The following KIAA1671 variants were observed in gnomAD, a reference collection of about 807,000 sequenced individuals.
KIAA1671 encodes KIAA1671.
Under a neutral mutation model 131.2 loss-of-function variants are expected in KIAA1671, and 52 were observed. That is an observed-to-expected ratio of 0.40 (90% CI 0.32 to 0.50). The LOEUF (loss-of-function observed/expected upper bound fraction) is 0.50. Ranked by LOEUF, KIAA1671 falls within the 20% of genes least tolerant of loss-of-function variation. KIAA1671 has a pLI of 0.73. For missense variants in KIAA1671, 2,360 were observed against 2,364.2 expected (o/e 1.00, Z 0.04); for synonymous variants, 1,003 against 961.6 (o/e 1.04, Z -0.80).
At chr22:25,060,948 A>G (rs913528946) in intron 6 of KIAA1671, 2 of 152,144 alleles carry the variant, frequency 1.3e-5, no homozygotes, top group Non-Finnish European at 2.9e-5. Context: ...ATTTCGGTAG[A>G]TGTGTCACTG....
chr22:25,185,243 A>G, intron 11 of KIAA1671, 124 bp downstream of exon 11: 1 of 1,056,382 alleles, frequency 9.5e-7, no homozygotes, highest in African/African-American at 1.6e-5. Context: ...TTTCTCTAGC[A>G]GCAGAAGCTT....
chr22:25,102,454 T>C (rs1930736627), intron 6 of KIAA1671: 1 of 152,260 alleles, frequency 6.6e-6, no homozygotes, highest in Non-Finnish European at 1.5e-5. Context: ...GTTGTTGTTG[T>C]TGTTTTGAGA....
chr22:25,165,085 G>A (rs947976991), intron 6 of KIAA1671, among the ~76,000 whole-genome samples: 2 of 151,082 alleles, frequency 1.3e-5, no homozygotes, highest in Non-Finnish European at 1.5e-5. Context: ...TTGAAGTCCC[G>A]CCAAGTTCTG....
intron 1 of KIAA1671, among the ~76,000 whole-genome samples, chr22:24,962,927 A>G (rs1298274408): frequency 6.6e-6 from 1 of 152,010 alleles, no homozygotes; most frequent in Non-Finnish European, 1.5e-5. Flanking sequence ...AGCAGCCCTG[A>G]CCCAGCCAGA....
intron 6 of KIAA1671, among the ~76,000 whole-genome samples, chr22:25,130,153 AT>A (rs1200714661): frequency 6.6e-6 from 1 of 152,252 alleles, no homozygotes; most frequent in Non-Finnish European, 1.5e-5. Flanking sequence ...AATATTATAA[AT>A]AAATACATAA....
intron 6 of KIAA1671, among the ~76,000 whole-genome samples, chr22:25,093,725 ACACACACACACACTCTCTCTCTCTCTCT>A (rs1930150285): frequency 1.4e-5 from 1 of 69,672 alleles, no homozygotes; most frequent in Non-Finnish European, 2.6e-5. Context: ...ACACACACAC[ACACACACACACACTCTCTCTCTCTCTCT>A]CTCTCTCTCT....
chr22:25,096,465 C>T (rs574414358), intron 6 of KIAA1671, among the ~76,000 whole-genome samples: 118 of 152,278 alleles, frequency 7.7e-4, no homozygotes, highest in Non-Finnish European at 1.5e-3. Context: ...TTGTGGGGCC[C>T]CTGGCTTCTC....
chr22:25,068,138 T>C (rs1928581446), intron 6 of KIAA1671, among the ~76,000 whole-genome samples: 1 of 143,808 alleles, frequency 7.0e-6, no homozygotes, highest in African/African-American at 2.7e-5. Context: ...AGCTGTACTG[T>C]CTGGCAGTTA....
chr22:25,033,754 G>A (rs1926431976), intron 4 of KIAA1671, among the ~76,000 whole-genome samples: 2 of 151,216 alleles, frequency 1.3e-5, no homozygotes, highest in Non-Finnish European at 2.9e-5. Flanking sequence ...TATTTCTTTT[G>A]TATTTTTAGT....
At chr22:25,121,414 A>G (rs1931938036) in intron 6 of KIAA1671, among the ~76,000 whole-genome samples, 1 of 151,678 alleles carries the variant, frequency 6.6e-6, no homozygotes, top group Admixed American at 6.6e-5. Context: ...GTGAGCCAAG[A>G]TCACGCCACT....
chr22:25,084,039 G>T (rs9306411), intron 6 of KIAA1671, among the ~76,000 whole-genome samples: 2 of 152,166 alleles, frequency 1.3e-5, no homozygotes, highest in African/African-American at 4.8e-5. Context: ...GGCCTGCCAC[G>T]TGAGTGCAGG....
At position 25,195,369 on chromosome 22, in the gene KIAA1671, C is replaced by G. The variant is rs1443643424; in HGVS notation, c.*2968C>G. 2 of 152,152 alleles carry G rather than the reference C, an allele frequency of 1.3e-5. No homozygotes were observed. The highest frequency in any genetic ancestry group is 2.4e-5 in the African/African-American group (1 of 41,430). The allele number at this position is 152,152 out of a possible 1,614,324, so 9.4% of individuals were successfully genotyped here. On this transcript the variant is annotated 3_prime_UTR_variant, in exon 13 of 13. Transcript: ENST00000358431. ...GAAATCAGTGTTGTGGAGGATTACT[C>G]CATGCCACCGGAGAAACTCTGGTGA...
chr22:25,028,357 A>G lies in KIAA1671; in HGVS notation c.358A>G (p.Ser120Gly). Residue 120 changes from serine to glycine, a missense_variant, in exon 3 of 13, where the codon AGT becomes GGT. This residue lies in a region of KIAA1671 where 1,185 missense variants were observed against 1,126.2 expected (regional missense o/e 1.05). Transcript: ENST00000358431. ...MPGLVGQEVG[S>G]GEGPRTSSPL... Reference sequence around the variant, plus strand: ...CGGCTTGGTGGGGCAGGAGGTGGGCAGTGGGGAGGGCCCGAGGACGAGCTC... The same window carrying G: ...CGGCTTGGTGGGGCAGGAGGTGGGCGGTGGGGAGGGCCCGAGGACGAGCTC... The G allele has an allele frequency of 6.4e-7, 1 of 1,550,842 alleles. No homozygotes were observed. Among genetic ancestry groups the G allele is most frequent in the Non-Finnish European group, 8.7e-7 (1 of 1,146,952 alleles).
intron 1 of KIAA1671, among the ~76,000 whole-genome samples, chr22:25,004,182 C>T (rs1602060877): frequency 1.3e-5 from 2 of 150,320 alleles, no homozygotes; most frequent in South Asian, 2.1e-4. Flanking sequence ...GTGGTTTTAT[C>T]GTAGCTCACT....
At chr22:25,174,147 CA>C (rs1234257114) in intron 7 of KIAA1671, 92 bp from the exon 8 acceptor site, 34 of 1,380,842 alleles carry the variant, frequency 2.5e-5, no homozygotes, top group Non-Finnish European at 3.1e-5. Context: ...AAACATAACC[CA>C]AGCTATGCTG....
intron 6 of KIAA1671, among the ~76,000 whole-genome samples, chr22:25,108,376 C>G (rs1399890746): frequency 2.0e-5 from 3 of 152,160 alleles, no homozygotes; most frequent in Non-Finnish European, 2.9e-5. Context: ...GGACTCAGCT[C>G]TTTCTCAGGT....
At chr22:25,167,908 G>A (rs1037102163) in intron 6 of KIAA1671, among the ~76,000 whole-genome samples, 7 of 152,192 alleles carry the variant, frequency 4.6e-5, no homozygotes, top group Non-Finnish European at 1.0e-4. Context: ...CCCTGTTCTA[G>A]GAGCTGTCAA....
intron 6 of KIAA1671, chr22:25,112,339 T>C (rs984819708): frequency 1.5e-5 from 6 of 398,918 alleles, no homozygotes; most frequent in Admixed American, 8.8e-5. Context: ...CCTTCAAGCG[T>C]ACTTCCTCCT....
intron 1 of KIAA1671, among the ~76,000 whole-genome samples, chr22:24,963,183 G>A (rs1922102250): frequency 6.6e-6 from 1 of 151,894 alleles, no homozygotes; most frequent in Admixed American, 6.6e-5. Context: ...GCCCAACATG[G>A]TGAAACCCCA....
Sources: allele counts gnomAD v4.1 joint callset (sites outside exome capture counted in the v4.1 genomes callset), GRCh38; gene constraint gnomAD v4.1.1; regional missense constraint gnomAD v4.1.1; transcripts MANE v1.5; gene names NCBI Gene and HGNC (gene_info 2026-07-23, HGNC 2026-07-21).